EXOC6B: variants seen among roughly 807,000 people sequenced by gnomAD.
EXOC6B encodes the protein exocyst complex component 6B.
Under a neutral mutation model 113.5 loss-of-function variants are expected in EXOC6B, and 54 were observed. The observed-to-expected ratio is 0.48, with a 90% CI of 0.38 to 0.60. The LOEUF (loss-of-function observed/expected upper bound fraction) is 0.60, where lower values mean the gene tolerates loss of function less well. Among genes scored for constraint, EXOC6B ranks in the 20% least tolerant of loss-of-function variants. The pLI is 0.00. For synonymous variants in EXOC6B, 357 were observed against 339.0 expected, an observed-to-expected ratio of 1.05 and a Z score of -0.58; for missense variants, 797 against 977.5, an observed-to-expected ratio of 0.82 and a Z score of 2.46.
chr2:72,458,885 A>G (rs1697429121), intron 18 of EXOC6B, among the ~76,000 whole-genome samples: 1 of 151,400 alleles, frequency 6.6e-6, no homozygotes, highest in Non-Finnish European at 1.5e-5. Context: ...GTGGGCTGGC[A>G]AAAGCAATTA....
intron 5 of EXOC6B, among the ~76,000 whole-genome samples, chr2:72,727,987 A>C (rs1167390781): frequency 2.0e-5 from 3 of 152,184 alleles, no homozygotes; most frequent in Non-Finnish European, 4.4e-5. Context: ...AAATTCACTA[A>C]TAATCTAATA....
chr2:72,579,252 T>C (rs1224891539), intron 6 of EXOC6B, among the ~76,000 whole-genome samples: 1 of 152,026 alleles, frequency 6.6e-6, no homozygotes, highest in Non-Finnish European at 1.5e-5. Flanking sequence ...ATAGGAACCA[T>C]GAAAATAGTA....
At chr2:72,824,720 T>C (rs1020588329) in intron 1 of EXOC6B, among the ~76,000 whole-genome samples, 1 of 152,092 alleles carries the variant, frequency 6.6e-6, no homozygotes, top group Non-Finnish European at 1.5e-5. Flanking sequence ...TCAGAATGCA[T>C]AACAGTAAGG....
At chr2:72,514,611 T>C in intron 10 of EXOC6B, 23 bp downstream of exon 10, 1 of 344,930 alleles carries the variant, frequency 2.9e-6, no homozygotes, top group Non-Finnish European at 4.9e-6. Flanking sequence ...AATAAATATA[T>C]ATATATATAT....
intron 1 of EXOC6B, among the ~76,000 whole-genome samples, chr2:72,752,186 C>T (rs1682084729): frequency 6.6e-6 from 1 of 152,258 alleles, no homozygotes; most frequent in Admixed American, 6.5e-5. Context: ...TCATGTATTA[C>T]ATTTAAAAAA....
chr2:72,577,674 T>C (rs1276955648), intron 6 of EXOC6B, among the ~76,000 whole-genome samples: 1 of 151,398 alleles, frequency 6.6e-6, no homozygotes, highest in African/African-American at 2.4e-5. Context: ...TATAAATACA[T>C]ATAATATATA....
chr2:72,413,284 ACAC>A (rs1465494021), intron 18 of EXOC6B, among the ~76,000 whole-genome samples: 1 of 151,902 alleles, frequency 6.6e-6, no homozygotes, highest in African/African-American at 2.4e-5. Flanking sequence ...ACTTTAGCAT[ACAC>A]CACAATTACC....
chr2:72,489,340 T>G (rs1699611275), intron 16 of EXOC6B, among the ~76,000 whole-genome samples: 1 of 152,238 alleles, frequency 6.6e-6, no homozygotes, highest in Admixed American at 6.5e-5. Context: ...AATCAGTGCC[T>G]AATAGAGAGT....
chr2:72,496,618 G>A (rs557166858), intron 13 of EXOC6B, 59 bp from the exon 14 acceptor site: 3 of 926,228 alleles, frequency 3.2e-6, no homozygotes, highest in African/African-American at 3.3e-5. Context: ...GGGGGTAGGG[G>A]AGGGGAACAG....
intron 7 of EXOC6B, among the ~76,000 whole-genome samples, 154 bp from the exon 8 acceptor site, chr2:72,559,675 A>G (rs1703774632): frequency 1.3e-5 from 2 of 152,236 alleles, no homozygotes; most frequent in Admixed American, 1.3e-4. Context: ...AGGTTTCCAA[A>G]GACCTAGTTC....
chr2:72,803,048 C>T lies in EXOC6B; in HGVS notation c.113+22750G>A, dbSNP rs139611881. 2.5e-3 allele frequency among the ~76,000 whole-genome samples: 379 copies of T among 152,244 alleles called. 1 individual carries two copies. Among genetic ancestry groups the T allele is most frequent in the African/African-American group, 8.6e-3 (356 of 41,536 alleles). On this transcript the variant is annotated intron_variant, in intron 1 of 21. Coordinates refer to ENST00000272427, the MANE Select transcript of EXOC6B (RefSeq NM_015189.3). Reference sequence around the variant, plus strand: ...CTCTTGGAATTGTTAGTGCCACATACATCTCAAACAAATACAGGTAATGTC... The same window carrying T: ...CTCTTGGAATTGTTAGTGCCACATATATCTCAAACAAATACAGGTAATGTC...
intron 5 of EXOC6B, among the ~76,000 whole-genome samples, chr2:72,724,895 G>A (rs986373606): frequency 6.6e-6 from 1 of 152,030 alleles, no homozygotes; most frequent in Non-Finnish European, 1.5e-5. Flanking sequence ...GGCTGAGGGG[G>A]TGGGGAGAAA....
chr2:72,332,920 G>A (rs1381661156), intron 20 of EXOC6B, among the ~76,000 whole-genome samples: 1 of 152,060 alleles, frequency 6.6e-6, no homozygotes, highest in Non-Finnish European at 1.5e-5. Flanking sequence ...ACAGGATGTG[G>A]AGAGATCATT....
At chr2:72,766,397 G>C (rs1683062642) in intron 1 of EXOC6B, among the ~76,000 whole-genome samples, 1 of 152,020 alleles carries the variant, frequency 6.6e-6, no homozygotes, top group South Asian at 2.1e-4. Context: ...GCCAAGAGAA[G>C]ATCACATGAC....
At chr2:72,697,105 C>CAGATTAGATAT (rs1553468433) in intron 6 of EXOC6B, among the ~76,000 whole-genome samples, 1 of 142,674 alleles carries the variant, frequency 7.0e-6, no homozygotes, top group East Asian at 2.1e-4. Context: ...TTTTTATATA[C>CAGATTAGATAT]AGATATAGAT....
chr2:72,458,263 C>T (rs1255067578), intron 18 of EXOC6B, among the ~76,000 whole-genome samples: 5 of 152,144 alleles, frequency 3.3e-5, no homozygotes, highest in Non-Finnish European at 7.4e-5. Flanking sequence ...CTCTCCCATT[C>T]TTTCTCGAAT....
intron 8 of EXOC6B, among the ~76,000 whole-genome samples, chr2:72,532,006 T>C (rs1364809475): frequency 1.3e-5 from 2 of 151,644 alleles, no homozygotes; most frequent in East Asian, 3.9e-4. Flanking sequence ...AAAATAAAAA[T>C]AAAAAAGAAT....
At chr2:72,344,053 TC>T (rs1689176617) in intron 19 of EXOC6B, among the ~76,000 whole-genome samples, 1 of 152,196 alleles carries the variant, frequency 6.6e-6, no homozygotes, top group African/African-American at 2.4e-5. Flanking sequence ...CTCGGGGACT[TC>T]CAAATGGCTA....
At chr2:72,726,917 C>T (rs1680333688) in intron 5 of EXOC6B, among the ~76,000 whole-genome samples, 2 of 152,064 alleles carry the variant, frequency 1.3e-5, no homozygotes, top group South Asian at 4.1e-4. Flanking sequence ...AACAGTGTAA[C>T]AACTACTTAC....
Sources: gnomAD v4.1 joint callset for allele counts (sites outside exome capture counted in the v4.1 genomes callset) on GRCh38, gnomAD v4.1.1 for gene constraint, MANE v1.5 for transcripts, NCBI Gene and HGNC (gene_info 2026-07-23, HGNC 2026-07-21) for gene names.